The following PDK1 variants were observed in gnomAD, a reference collection of about 807,000 sequenced individuals.
The protein encoded by PDK1 is [Pyruvate dehydrogenase (acetyl-transferring)] kinase isozyme 1, mitochondrial.
PDK1 carries 39 observed loss-of-function variants against 54.2 expected under a neutral mutation model. That is an observed-to-expected ratio of 0.72 (90% CI 0.56 to 0.94). The LOEUF (loss-of-function observed/expected upper bound fraction) is 0.94. Among genes scored for constraint, PDK1 ranks in the 40% least tolerant of loss-of-function variants. The pLI, the probability that PDK1 is intolerant of heterozygous loss-of-function variation, is 0.00. For synonymous variants in PDK1, 221 were observed against 207.1 expected (o/e 1.07, Z -0.58); for missense variants, 552 against 566.0 (o/e 0.98, Z 0.25).
At chr2:172,675,831 C>A in the PDK1 span, among the ~76,000 whole-genome samples, 22 of 152,134 alleles carry the variant, frequency 1.4e-4, no homozygotes, top group Non-Finnish European at 3.2e-4. Context: ...CTAAAACTTT[C>A]AGAATTAGAG....
chr2:172,559,194 A>G (rs1434290400), intron 2 of PDK1, among the ~76,000 whole-genome samples: 1 of 152,006 alleles, frequency 6.6e-6, no homozygotes, highest in Non-Finnish European at 1.5e-5. Context: ...TGATCCACCC[A>G]CCTTGGCCTC....
chr2:172,603,733 G>A lies in PDK1; in HGVS notation c.*7764G>A, dbSNP rs1448472395. 1 of 152,176 alleles carries A rather than the reference G, an allele frequency of 6.6e-6. No individual in the cohort carries two copies. The highest frequency in any genetic ancestry group is 1.5e-5 in the Non-Finnish European group (1 of 68,036). The allele number at this position is 152,176 out of a possible 1,614,324, so 9.4% of individuals were successfully genotyped here. Reference sequence around the variant, plus strand: ...GATCTAGTCTCCAGGGTTAGATCCAGGCAGGTAACATCAAAGTCAGTTGAT... The same window carrying A: ...GATCTAGTCTCCAGGGTTAGATCCAAGCAGGTAACATCAAAGTCAGTTGAT... On this transcript the variant is annotated 3_prime_UTR_variant, in exon 11 of 11. Transcript: ENST00000282077.
chr2:172,682,619 A>G, the PDK1 span, among the ~76,000 whole-genome samples: 2 of 152,206 alleles, frequency 1.3e-5, no homozygotes, highest in Admixed American at 6.5e-5. Flanking sequence ...TGAGAAAGGA[A>G]TGAGTGTGTG....
chr2:172,579,630 C>T (rs79707958), intron 8 of PDK1, among the ~76,000 whole-genome samples: 1 of 148,862 alleles, frequency 6.7e-6, no homozygotes, highest in African/African-American at 2.5e-5. Flanking sequence ...GAGAAGACAA[C>T]GTTTATTACA....
the PDK1 span, among the ~76,000 whole-genome samples, chr2:172,670,834 A>G: frequency 2.0e-5 from 3 of 152,180 alleles, no homozygotes; most frequent in Non-Finnish European, 2.9e-5. Context: ...AGAGGGATTG[A>G]TAGTCCATGA....
At position 172,558,861 on chromosome 2, in the gene PDK1, A is replaced by T; in HGVS notation, c.338+12A>T. The stretch of plus-strand genomic sequence containing the variant: ...TTGGTACAAAGCTGGTAAGATTCTC[A>T]TCTTGTGTTTGCAATTTGATGGAGT... On this transcript the variant is annotated intron_variant, in intron 2 of 10. Coordinates refer to ENST00000282077, the MANE Select transcript of PDK1 (RefSeq NM_002610.5). The T allele has an allele frequency of 6.2e-7, 1 of 1,604,620 alleles. No individual in the cohort carries two copies. The highest frequency in any genetic ancestry group is 8.5e-7 in the Non-Finnish European group (1 of 1,177,058).
At chr2:172,690,398 TGGTG>T in the PDK1 span, among the ~76,000 whole-genome samples, 1 of 150,374 alleles carries the variant, frequency 6.7e-6, no homozygotes, top group Non-Finnish European at 1.5e-5. Context: ...TTTACACTGT[TGGTG>T]GGAGTGTAAA....
the PDK1 span, among the ~76,000 whole-genome samples, chr2:172,647,699 G>A: frequency 6.6e-6 from 1 of 152,180 alleles, no homozygotes; most frequent in East Asian, 1.9e-4. Flanking sequence ...TATGAAGCAA[G>A]CTCTACCGTA....
the PDK1 span, among the ~76,000 whole-genome samples, chr2:172,695,806 C>A: frequency 6.6e-6 from 1 of 152,112 alleles, no homozygotes; most frequent in Non-Finnish European, 1.5e-5. Context: ...CTGAAGATGT[C>A]CTCCAGGCAG....
chr2:172,591,893 A>C (rs1184695016), intron 9 of PDK1, among the ~76,000 whole-genome samples: 2 of 152,248 alleles, frequency 1.3e-5, no homozygotes, highest in African/African-American at 4.8e-5. Context: ...GAGTGCAAAC[A>C]GCTCGCATAT....
the PDK1 span, among the ~76,000 whole-genome samples, chr2:172,637,979 G>A: frequency 1.3e-5 from 2 of 152,144 alleles, no homozygotes; most frequent in African/African-American, 4.8e-5. Flanking sequence ...ACAGGTGTGA[G>A]CCACTGCACC....
the PDK1 span, among the ~76,000 whole-genome samples, chr2:172,684,181 G>A: frequency 1.3e-5 from 2 of 152,188 alleles, no homozygotes; most frequent in Non-Finnish European, 2.9e-5. Flanking sequence ...AGCACTTTGG[G>A]AGGCCCAGGC....
the PDK1 span, among the ~76,000 whole-genome samples, chr2:172,709,321 A>C: frequency 6.6e-6 from 1 of 152,012 alleles, no homozygotes; most frequent in African/African-American, 2.4e-5. Context: ...CAAACATCTT[A>C]TTTTTCTTAT....
the PDK1 span, among the ~76,000 whole-genome samples, chr2:172,638,925 A>G: frequency 5.1e-4 from 78 of 152,386 alleles, 1 homozygote; most frequent in Middle Eastern, 6.8e-3. Flanking sequence ...CTGATAATCT[A>G]TAATTATAAC....
At chr2:172,657,977 A>G in the PDK1 span, among the ~76,000 whole-genome samples, 2 of 152,304 alleles carry the variant, frequency 1.3e-5, no homozygotes, top group South Asian at 2.1e-4. Context: ...GCATGTGCAG[A>G]GATCACATGG....
chr2:172,698,321 T>G, the PDK1 span, among the ~76,000 whole-genome samples: 1 of 151,994 alleles, frequency 6.6e-6, no homozygotes, highest in African/African-American at 2.4e-5. Flanking sequence ...TGCAAGAAAA[T>G]ATAGCATAAG....
the PDK1 span, among the ~76,000 whole-genome samples, chr2:172,637,089 AAAG>A: frequency 1.3e-5 from 2 of 152,246 alleles, no homozygotes; most frequent in Non-Finnish European, 2.9e-5. Flanking sequence ...CACTTATGAG[AAAG>A]AAGAGTCTAG....
chr2:172,647,177 C>A, the PDK1 span, among the ~76,000 whole-genome samples: 1 of 152,154 alleles, frequency 6.6e-6, no homozygotes, highest in African/African-American at 2.4e-5. Flanking sequence ...GCTTCAGAAT[C>A]AGCACCTAAT....
At chr2:172,643,509 C>T in the PDK1 span, among the ~76,000 whole-genome samples, 1 of 152,208 alleles carries the variant, frequency 6.6e-6, no homozygotes, top group Non-Finnish European at 1.5e-5. Context: ...GCCCTGGAAT[C>T]TCCTGCCCAA....
Sources: gnomAD v4.1 joint callset for allele counts (sites outside exome capture counted in the v4.1 genomes callset) on GRCh38, gnomAD v4.1.1 for gene constraint, MANE v1.5 for transcripts, NCBI Gene and HGNC (gene_info 2026-07-23, HGNC 2026-07-21) for gene names.